SPATA6L: variants seen among roughly 807,000 people sequenced by gnomAD.
SPATA6L encodes the protein spermatogenesis associated 6-like protein.
In SPATA6L, 68 loss-of-function variants were observed where a neutral mutation model predicts 49.2. The ratio of observed to expected loss-of-function variants is 1.38; its 90% CI spans 1.14 to 1.69. The LOEUF (loss-of-function observed/expected upper bound fraction) is 1.69, where lower values mean the gene tolerates loss of function less well. Ranked by LOEUF, SPATA6L falls within the 40% of genes most tolerant of loss-of-function variation. The pLI is 0.00. For missense variants in SPATA6L, 668 were observed against 464.3 expected (o/e 1.44, Z -4.03); for synonymous variants, 198 against 165.7 (o/e 1.19, Z -1.50).
intron 4 of SPATA6L, among the ~76,000 whole-genome samples, chr9:4,631,609 T>C (rs954273663): frequency 2.7e-5 from 4 of 148,838 alleles, no homozygotes; most frequent in African/African-American, 1.0e-4. Flanking sequence ...AATACACAAA[T>C]ACAAAGAAAA....
intron 3 of SPATA6L, among the ~76,000 whole-genome samples, chr9:4,638,929 C>G (rs556133851): frequency 6.6e-6 from 1 of 151,994 alleles, no homozygotes; most frequent in Admixed American, 6.6e-5. Context: ...GGACTACAGA[C>G]GCGCACCACA....
downstream of SPATA6L, among the ~76,000 whole-genome samples, chr9:4,593,347 C>A (rs1446769423): frequency 1.3e-5 from 2 of 152,132 alleles, no homozygotes; most frequent in Non-Finnish European, 2.9e-5. Flanking sequence ...TTATCTCCCA[C>A]CTCATCTAGC....
chr9:4,602,509 A>C (rs910333286), intron 11 of SPATA6L, among the ~76,000 whole-genome samples: 30 of 152,222 alleles, frequency 2.0e-4, no homozygotes, highest in Admixed American at 3.9e-4. Flanking sequence ...CATGACCCTC[A>C]AAACAGACTT....
intron 13 of SPATA6L, among the ~76,000 whole-genome samples, chr9:4,591,392 G>C (rs12379402): frequency 1.3e-5 from 2 of 152,286 alleles, no homozygotes; most frequent in East Asian, 3.9e-4. Context: ...AATTATAAAG[G>C]TTTTCCAAAA....
At chr9:4,660,365 G>A (rs982440751) in intron 2 of SPATA6L, among the ~76,000 whole-genome samples, 2 of 152,164 alleles carry the variant, frequency 1.3e-5, no homozygotes, top group Admixed American at 1.3e-4. Context: ...TCAAAAAGTG[G>A]GTGAAGGACA....
At position 4,600,710 on chromosome 9, in the gene SPATA6L, T is replaced by C. The variant is rs540301305; in HGVS notation, c.*101A>G. Reference sequence around the variant, plus strand: ...TTAAAGGGGATTAGACATCAGTGACTCAACACAGACAACAAAAAGTGTTCA... The same window carrying C: ...TTAAAGGGGATTAGACATCAGTGACCCAACACAGACAACAAAAAGTGTTCA... On this transcript the variant is annotated 3_prime_UTR_variant, in exon 12 of 12. Transcript: ENST00000682582. The C allele has an allele frequency of 4.6e-5, 7 of 152,302 alleles. No homozygotes were observed. The East Asian group carries it at 1.3e-3, about 29-fold the overall frequency. The allele number at this position is 152,302 out of a possible 1,614,324, so 9.4% of individuals were successfully genotyped here. A position where few individuals can be genotyped will look rare whatever the true frequency, so the allele number is the denominator to read the frequency against.
At chr9:4,654,212 G>C (rs1326015662) in intron 3 of SPATA6L, among the ~76,000 whole-genome samples, 1 of 152,216 alleles carries the variant, frequency 6.6e-6, no homozygotes, top group East Asian at 1.9e-4. Context: ...GATGTAAAAT[G>C]ATTCAGCTGC....
intron 1 of SPATA6L, chr9:4,663,506 C>G: frequency 2.1e-6 from 1 of 465,730 alleles, no homozygotes; most frequent in Non-Finnish European, 3.9e-6. Flanking sequence ...TATTCAACAA[C>G]TGTTTATGTT....
At chr9:4,602,139 GT>G (rs201352107) in intron 11 of SPATA6L, among the ~76,000 whole-genome samples, 25,817 of 149,324 alleles carry the variant, frequency 0.17, 3,073 homozygotes, top group East Asian at 0.34. Flanking sequence ...AAGAATTGAC[GT>G]TTTTTTTTTT....
At chr9:4,618,373 G>C (rs1828502866) in intron 8 of SPATA6L, among the ~76,000 whole-genome samples, 1 of 152,140 alleles carries the variant, frequency 6.6e-6, no homozygotes, top group Non-Finnish European at 1.5e-5. Context: ...TCTGAACTTT[G>C]ATTTCTGAGG....
chr9:4,621,283 G>A (rs891283744), intron 7 of SPATA6L, among the ~76,000 whole-genome samples: 1 of 152,218 alleles, frequency 6.6e-6, no homozygotes, highest in Non-Finnish European at 1.5e-5. Context: ...TTAACCCAGT[G>A]ACTCTCAATG....
intron 3 of SPATA6L, among the ~76,000 whole-genome samples, chr9:4,640,193 C>A (rs921017056): frequency 1.4e-4 from 21 of 152,164 alleles, no homozygotes; most frequent in African/African-American, 5.1e-4. Context: ...AAAAAGAAAG[C>A]ATCAAGCTCA....
downstream of SPATA6L, among the ~76,000 whole-genome samples, chr9:4,597,776 G>A (rs560537345): frequency 6.6e-6 from 1 of 152,250 alleles, no homozygotes; most frequent in East Asian, 1.9e-4. Flanking sequence ...AGTGCTAGGA[G>A]GGGTCCCCTA....
chr9:4,622,783 G>GT (rs1354011755), intron 6 of SPATA6L, among the ~76,000 whole-genome samples: 7 of 152,172 alleles, frequency 4.6e-5, no homozygotes, highest in African/African-American at 1.7e-4. Flanking sequence ...CCAACAACTG[G>GT]TAAGGATCCC....
chr9:4,609,730 T>G (rs1826203960), intron 9 of SPATA6L, among the ~76,000 whole-genome samples: 1 of 151,430 alleles, frequency 6.6e-6, no homozygotes, highest in Non-Finnish European at 1.5e-5. Flanking sequence ...CTTTGAAAAC[T>G]GGCACAAGAC....
chr9:4,647,790 T>C (rs144022587), intron 3 of SPATA6L, among the ~76,000 whole-genome samples: 1 of 151,106 alleles, frequency 6.6e-6, no homozygotes, highest in East Asian at 1.9e-4. Flanking sequence ...AAAAAATCAA[T>C]AAAGATAATT....
In SPATA6L at chr9:4,662,025, T is replaced by C. The variant is rs1228370289; in HGVS notation, c.51A>G (p.Pro17=). The C allele has an allele frequency of 5.6e-6, 9 of 1,613,594 alleles. No homozygotes were observed. The highest frequency in any genetic ancestry group is 1.1e-5 in the South Asian group (1 of 91,038). ...CTTGTTTGCCAGGCAGGAACACTCCTGGGCAAGAAATCTTAAAAAGAAAGA... is the reference window on the plus strand; with the variant it reads ...CTTGTTTGCCAGGCAGGAACACTCCCGGGCAAGAAATCTTAAAAAGAAAGA... ...VELQIRAISC[P]GVFLPGKQDV... The change falls in exon 2 of 12, where the codon CCA becomes CCG. Residue 17 remains proline, a synonymous_variant. Transcript: ENST00000682582. The surrounding 1 kb of genome is among the most constrained non-coding windows in gnomAD (Gnocchi z 4.9).
chr9:4,647,444 T>A (rs1010216127), intron 3 of SPATA6L, among the ~76,000 whole-genome samples: 9 of 151,726 alleles, frequency 5.9e-5, no homozygotes, highest in Non-Finnish European at 1.0e-4. Context: ...ATACAAAAAT[T>A]AGCCAGGCAT....
intron 3 of SPATA6L, among the ~76,000 whole-genome samples, chr9:4,645,258 G>C (rs1835108992): frequency 6.6e-6 from 1 of 152,152 alleles, no homozygotes; most frequent in South Asian, 2.1e-4. Flanking sequence ...ACAACAATTT[G>C]TACATTAATA....
Sources: gnomAD v4.1 joint callset for allele counts (sites outside exome capture counted in the v4.1 genomes callset) on GRCh38, gnomAD v4.1.1 for gene constraint, Gnocchi (gnomAD v3.1) non-coding constraint, MANE v1.5 for transcripts, NCBI Gene and HGNC (gene_info 2026-07-23, HGNC 2026-07-21) for gene names.